The following ACVR2A variants were observed in gnomAD, a reference collection of about 807,000 sequenced individuals.
ACVR2A encodes activin receptor type-2A.
ACVR2A carries 7 observed loss-of-function variants against 61.4 expected under a neutral mutation model. That is an observed-to-expected ratio of 0.11 (90% CI 0.06 to 0.21). ACVR2A has a LOEUF of 0.21. ACVR2A is among the 10% of genes least tolerant of loss of function. The pLI, the probability that ACVR2A is intolerant of heterozygous loss-of-function variation, is 1.00. For missense variants in ACVR2A, 322 were observed against 621.7 expected (o/e 0.52, Z 5.13); for synonymous variants, 193 against 208.3 (o/e 0.93, Z 0.63).
chr2:147,920,175 A>C, intron 7 of ACVR2A, 55 bp from the exon 8 acceptor site: 1 of 1,241,992 alleles, frequency 8.1e-7, no homozygotes, highest in South Asian at 1.3e-5. Context: ...TTCAATAAAA[A>C]ATTTAAAAAG....
chr2:147,867,889 G>T (rs1041801017), intron 1 of ACVR2A, among the ~76,000 whole-genome samples: 1 of 152,016 alleles, frequency 6.6e-6, no homozygotes, highest in Non-Finnish European at 1.5e-5. Context: ...CTACCCTTGT[G>T]CCTTGTGCCT....
intron 1 of ACVR2A, among the ~76,000 whole-genome samples, chr2:147,862,933 A>G (rs1685763687): frequency 6.6e-6 from 1 of 152,148 alleles, no homozygotes; most frequent in Non-Finnish European, 1.5e-5. Context: ...TAAAACTGTC[A>G]TTATTAACCA....
chr2:147,925,914 C>A, intron 9 of ACVR2A, 117 bp from the exon 10 acceptor site: 1 of 1,026,330 alleles, frequency 9.7e-7, no homozygotes, highest in Non-Finnish European at 1.4e-6. Context: ...CTTCTGTCCT[C>A]ATAGCATGTA....
chr2:147,869,883 G>A (rs1415174408), intron 1 of ACVR2A, among the ~76,000 whole-genome samples: 1 of 151,996 alleles, frequency 6.6e-6, no homozygotes, highest in African/African-American at 2.4e-5. Flanking sequence ...CAAGGGAAGG[G>A]GCATGAACTA....
rs1686922174 is a variant in ACVR2A at position 147,903,621 on chromosome 2, C to CGTA, written c.528+3723_528+3724insGTA. On this transcript the variant is annotated intron_variant, in intron 4 of 10. Transcript: ENST00000241416. ...GGAGCATGACATGTGGTCTTCCATA[C>CGTA]TCTCTTTGTCTTTTGGTACTTTCTT... Among the ~76,000 whole-genome samples, 8 of 152,064 alleles carry CGTA rather than the reference C, an allele frequency of 5.3e-5. No homozygotes were observed. The South Asian group carries it at 1.4e-3, about 28-fold the overall frequency.
At chr2:147,910,446 T>C (rs909542977) in intron 4 of ACVR2A, among the ~76,000 whole-genome samples, 1 of 152,190 alleles carries the variant, frequency 6.6e-6, no homozygotes, top group Admixed American at 6.5e-5. Flanking sequence ...CTGGATAAGA[T>C]GTTTTGATAG....
At chr2:147,896,060 CAAGTG>C (rs1404422941) in intron 1 of ACVR2A, among the ~76,000 whole-genome samples, 2 of 152,246 alleles carry the variant, frequency 1.3e-5, no homozygotes, top group Non-Finnish European at 1.5e-5. Flanking sequence ...AGGACATTCT[CAAGTG>C]AAGTGAAACT....
At chr2:147,863,115 CATCTATTCTTTGGT>C (rs1685767313) in intron 1 of ACVR2A, among the ~76,000 whole-genome samples, 1 of 152,182 alleles carries the variant, frequency 6.6e-6, no homozygotes, top group African/African-American at 2.4e-5. Flanking sequence ...GTAAGGCTTA[CATCTATTCTTTGGT>C]ATCTACTATG....
intron 1 of ACVR2A, among the ~76,000 whole-genome samples, chr2:147,868,287 T>A (rs943210500): frequency 6.6e-6 from 1 of 152,198 alleles, no homozygotes; most frequent in African/African-American, 2.4e-5. Context: ...GCAAGAGCTT[T>A]GAGGCAGTCA....
intron 4 of ACVR2A, among the ~76,000 whole-genome samples, chr2:147,908,500 AT>A (rs1392134270): frequency 6.6e-6 from 1 of 152,162 alleles, no homozygotes; most frequent in Admixed American, 6.6e-5. Flanking sequence ...AATTTTGACG[AT>A]CTAATTGGCT....
chr2:147,880,619 T>G (rs1276775361), intron 1 of ACVR2A, among the ~76,000 whole-genome samples: 1 of 152,208 alleles, frequency 6.6e-6, no homozygotes, highest in Non-Finnish European at 1.5e-5. Flanking sequence ...ATTGAAAGAT[T>G]TGTGAGTTCT....
At chr2:147,850,850 G>A (rs986087977) in intron 1 of ACVR2A, among the ~76,000 whole-genome samples, 2 of 152,068 alleles carry the variant, frequency 1.3e-5, no homozygotes, top group African/African-American at 4.8e-5. Context: ...TTAATAAAGG[G>A]ACTTAAAGGA....
intron 1 of ACVR2A, among the ~76,000 whole-genome samples, chr2:147,846,457 T>C (rs759959468): frequency 1.6e-4 from 25 of 151,954 alleles, no homozygotes; most frequent in Non-Finnish European, 2.8e-4. Context: ...TTGTAATGTA[T>C]AGAATTTTGC....
chr2:147,905,085 G>A (rs980171413), intron 4 of ACVR2A, among the ~76,000 whole-genome samples: 4 of 152,002 alleles, frequency 2.6e-5, no homozygotes, highest in African/African-American at 4.8e-5. Flanking sequence ...ACAGAAAGAC[G>A]TATGAAAAAA....
rs1164041621 is a variant in ACVR2A at position 147,927,619 on chromosome 2, G to A, written c.*345G>A. The A allele has an allele frequency of 5.6e-6, 1 of 177,790 alleles. No homozygotes were observed. Among genetic ancestry groups the A allele is most frequent in the African/African-American group, 2.3e-5 (1 of 42,576 alleles). 11.0% of individuals were successfully genotyped at this position (177,790 alleles called of 1,614,324 possible). A position where few individuals can be genotyped will look rare whatever the true frequency, so the allele number is the denominator to read the frequency against. ...TCAGATTTCTTAATGTCTGTCAGAA[G>A]ACACTAATTCCTTAAATGAACTACT... On this transcript the variant is annotated 3_prime_UTR_variant, in exon 11 of 11. Coordinates refer to ENST00000241416, the MANE Select transcript of ACVR2A (RefSeq NM_001616.5).
rs1187891286 is a variant in ACVR2A at position 147,915,241 on chromosome 2, G to C, written c.579G>C (p.Gln193His). The change falls in exon 5 of 11, where the codon CAG (glutamine) becomes CAC (histidine). Residue 193 changes from glutamine (Q) to histidine (H), a missense_variant. Physicochemically the swap from Gln to His is conservative, Grantham distance 24. Coordinates refer to ENST00000241416, the MANE Select transcript of ACVR2A (RefSeq NM_001616.5). The part of the protein sequence containing the change: ...PSPLLGLKPL[Q>H]LLEVKARGRF... The stretch of plus-strand genomic sequence containing the variant: ...CATTACTAGGTTTGAAACCACTGCA[G>C]TTATTAGAAGTGAAAGCAAGGGGAA... 1 of 1,612,376 alleles carries C rather than the reference G, an allele frequency of 6.2e-7. No homozygotes were observed. The highest frequency in any genetic ancestry group is 8.5e-7 in the Non-Finnish European group (1 of 1,178,762).
At chr2:147,860,101 G>A (rs1685691607) in intron 1 of ACVR2A, among the ~76,000 whole-genome samples, 1 of 152,140 alleles carries the variant, frequency 6.6e-6, no homozygotes, top group Admixed American at 6.5e-5. Context: ...AAAGGATGAC[G>A]TAGTATGTAA....
intron 1 of ACVR2A, among the ~76,000 whole-genome samples, chr2:147,850,440 T>TAGAA (rs770535810): frequency 1.3e-5 from 2 of 152,188 alleles, no homozygotes; most frequent in African/African-American, 2.4e-5. Flanking sequence ...TAGATTGCTC[T>TAGAA]TATTCTCTTT....
chr2:147,866,497 A>G (rs963404507), intron 1 of ACVR2A, among the ~76,000 whole-genome samples: 6 of 152,200 alleles, frequency 3.9e-5, no homozygotes, highest in Non-Finnish European at 5.9e-5. Context: ...AGAATGGCCA[A>G]ATGCAGAGGA....
Sources: gnomAD v4.1 joint callset for allele counts (sites outside exome capture counted in the v4.1 genomes callset) on GRCh38, gnomAD v4.1.1 for gene constraint, MANE v1.5 for transcripts, NCBI Gene and HGNC (gene_info 2026-07-23, HGNC 2026-07-21) for gene names.